Variants in TMCC3 observed in about 807,000 individuals in gnomAD.
TMCC3 encodes the protein transmembrane and coiled-coil domain family 3.
A neutral mutation model predicts 40.2 loss-of-function variants in TMCC3; 28 were observed. That is an observed-to-expected ratio of 0.70 (90% CI 0.52 to 0.95). The LOEUF is 0.95. TMCC3 is among the 40% of genes least tolerant of loss of function. TMCC3 has a pLI of 0.00. For synonymous variants in TMCC3, 255 were observed against 248.5 expected (o/e 1.03, Z -0.25); for missense variants, 554 against 615.2 (o/e 0.90, Z 1.05).
At chr12:94,612,068 A>C (rs921180223) in intron 1 of TMCC3, among the ~76,000 whole-genome samples, 3 of 151,790 alleles carry the variant, frequency 2.0e-5, no homozygotes, top group Non-Finnish European at 4.4e-5. Flanking sequence ...GTGCAATCAC[A>C]GCTCACTGCA....
intron 1 of TMCC3, among the ~76,000 whole-genome samples, chr12:94,607,964 T>C (rs2068793426): frequency 1.3e-5 from 2 of 152,276 alleles, no homozygotes; most frequent in Non-Finnish European, 2.9e-5. Flanking sequence ...CTTTCAATGT[T>C]ATGACTGATG....
In TMCC3 at chr12:94,582,304, T is replaced by C. The variant is rs1566315851; in HGVS notation, c.313A>G (p.Lys105Glu). 5.0e-6 allele frequency: 8 copies of C among 1,614,086 alleles called. No individual in the cohort carries two copies. Among genetic ancestry groups the C allele is most frequent in the East Asian group, 2.2e-5 (1 of 44,860 alleles). ...TGCTTGATACGTCCCGCCTGCTGCT[T>C]GTCTGCGTTGTTCACTAGTTTCAGA... ...EYLKLVNNAD[K>E]QQAGRIKQVF... Residue 105 changes from lysine (K) to glutamate (E), a missense_variant, in exon 2 of 4, where the codon AAG (lysine) becomes GAG (glutamate). Lys to Glu is a moderately conservative substitution (Grantham distance 56). Coordinates refer to ENST00000261226, the MANE Select transcript of TMCC3 (RefSeq NM_020698.4).
chr12:94,645,604 A>AT (rs1170773443), intron 1 of TMCC3, among the ~76,000 whole-genome samples: 1 of 151,882 alleles, frequency 6.6e-6, no homozygotes, highest in Non-Finnish European at 1.5e-5. Flanking sequence ...TGCCGAGCTA[A>AT]TTTTTTTGTA....
At chr12:94,572,184 G>C (rs1207361478) in intron 3 of TMCC3, among the ~76,000 whole-genome samples, 3 of 151,964 alleles carry the variant, frequency 2.0e-5, no homozygotes, top group Non-Finnish European at 4.4e-5. Context: ...ATTTTTAGTA[G>C]AGATGGGGTT....
intron 1 of TMCC3, among the ~76,000 whole-genome samples, chr12:94,622,576 T>C (rs772171722): frequency 1.3e-5 from 2 of 152,214 alleles, no homozygotes; most frequent in Non-Finnish European, 2.9e-5. Context: ...TTCAAATCTG[T>C]AATGGAGACT....
At chr12:94,631,068 C>T (rs866734416) in intron 1 of TMCC3, among the ~76,000 whole-genome samples, 1 of 152,168 alleles carries the variant, frequency 6.6e-6, no homozygotes, top group Non-Finnish European at 1.5e-5. Context: ...AACATAAAAG[C>T]ATAACCACTT....
intron 1 of TMCC3, among the ~76,000 whole-genome samples, chr12:94,635,819 A>G (rs1375177141): frequency 1.3e-5 from 2 of 152,040 alleles, no homozygotes; most frequent in African/African-American, 4.8e-5. Flanking sequence ...GGTGCCCGCC[A>G]CCATGCCCAG....
At chr12:94,642,728 T>G (rs2068997272) in intron 1 of TMCC3, among the ~76,000 whole-genome samples, 1 of 152,258 alleles carries the variant, frequency 6.6e-6, no homozygotes, top group Non-Finnish European at 1.5e-5. Context: ...CATACTGTTA[T>G]TATTCTTCCT....
chr12:94,640,266 C>T (rs2068982509), intron 1 of TMCC3, among the ~76,000 whole-genome samples: 1 of 152,214 alleles, frequency 6.6e-6, no homozygotes, highest in African/African-American at 2.4e-5. Context: ...CCTCCCACCT[C>T]ACCCCTCCCA....
chr12:94,612,908 T>C (rs2068824859), intron 1 of TMCC3, among the ~76,000 whole-genome samples: 1 of 152,290 alleles, frequency 6.6e-6, no homozygotes, highest in East Asian at 1.9e-4. Flanking sequence ...ATTCCATTTG[T>C]AGGTTAGAGG....
chr12:94,615,545 T>C (rs2068843081), intron 1 of TMCC3, among the ~76,000 whole-genome samples: 2 of 152,190 alleles, frequency 1.3e-5, no homozygotes, highest in Non-Finnish European at 2.9e-5. Context: ...AGATTCCAAC[T>C]CAGAGCCTGG....
At chr12:94,597,120 A>AAAAAAAAAAAAATATATATATATAT (rs2068719307) in intron 1 of TMCC3, among the ~76,000 whole-genome samples, 3 of 5,488 alleles carry the variant, frequency 5.5e-4, no homozygotes, top group African/African-American at 1.3e-3. Context: ...TCTCTATTAA[A>AAAAAAAAAAAAATATATATATATAT]ATACATATAT....
intron 1 of TMCC3, among the ~76,000 whole-genome samples, chr12:94,592,238 T>C (rs1276255456): frequency 6.6e-6 from 1 of 152,172 alleles, no homozygotes; most frequent in Non-Finnish European, 1.5e-5. Context: ...GTGCACCGTG[T>C]ACAGCACGGG....
At chr12:94,591,219 G>A (rs2068673336) in intron 1 of TMCC3, 2 of 190,290 alleles carry the variant, frequency 1.1e-5, no homozygotes, top group South Asian at 1.8e-4. Flanking sequence ...CATACATTCT[G>A]ATATTAAGAA....
At chr12:94,573,569 C>A (rs2068545975) in intron 3 of TMCC3, among the ~76,000 whole-genome samples, 1 of 152,082 alleles carries the variant, frequency 6.6e-6, no homozygotes, top group Non-Finnish European at 1.5e-5. Context: ...AGTACTCTGG[C>A]CTTTTCTAAG....
chr12:94,623,612 G>T (rs535178986), intron 1 of TMCC3, among the ~76,000 whole-genome samples: 51 of 152,334 alleles, frequency 3.3e-4, no homozygotes, highest in African/African-American at 1.1e-3. Context: ...TACCGGCACA[G>T]GGGCCAGTCT....
intron 1 of TMCC3, among the ~76,000 whole-genome samples, chr12:94,642,469 T>C (rs1438980863): frequency 6.6e-6 from 1 of 152,258 alleles, no homozygotes; most frequent in Admixed American, 6.5e-5. Flanking sequence ...TGCTTTAAAC[T>C]GCCCTTTGTA....
At chr12:94,616,598 G>C (rs565809071) in intron 1 of TMCC3, among the ~76,000 whole-genome samples, 1 of 152,198 alleles carries the variant, frequency 6.6e-6, no homozygotes, top group Non-Finnish European at 1.5e-5. Flanking sequence ...GGCCGGGGGA[G>C]AGACACAATG....
At chr12:94,574,402 A>AAC (rs974269228) in intron 3 of TMCC3, among the ~76,000 whole-genome samples, 10 of 151,700 alleles carry the variant, frequency 6.6e-5, no homozygotes. Context: ...CAAAAAAAAA[A>AAC]AACAGAATGT....
Sources: allele counts gnomAD v4.1 joint callset (sites outside exome capture counted in the v4.1 genomes callset), GRCh38; gene constraint gnomAD v4.1.1; transcripts MANE v1.5; gene names NCBI Gene and HGNC (gene_info 2026-07-23, HGNC 2026-07-21).